Variants in AGBL3 observed in about 807,000 individuals in gnomAD.
AGBL3 encodes the protein cytosolic carboxypeptidase 3.
A neutral mutation model predicts 94.5 loss-of-function variants in AGBL3; 68 were observed. That is an observed-to-expected ratio of 0.72 (90% CI 0.59 to 0.88). The LOEUF is 0.88. Among genes scored for constraint, AGBL3 ranks in the 40% least tolerant of loss-of-function variants. The pLI, the probability that AGBL3 is intolerant of heterozygous loss-of-function variation, is 0.00. For missense variants in AGBL3, 934 were observed against 1,103.8 expected (o/e 0.85, Z 2.18); for synonymous variants, 354 against 370.7 (o/e 0.95, Z 0.52).
intron 7 of AGBL3, among the ~76,000 whole-genome samples, chr7:135,035,695 T>A (rs1362050489): frequency 6.6e-6 from 1 of 152,178 alleles, no homozygotes; most frequent in East Asian, 1.9e-4. Flanking sequence ...TAATCTAAGA[T>A]GAGAGACCCT....
intron 4 of AGBL3, among the ~76,000 whole-genome samples, chr7:135,001,519 T>C (rs1811714220): frequency 6.6e-6 from 1 of 152,310 alleles, no homozygotes; most frequent in South Asian, 2.1e-4. Flanking sequence ...TAGAACAGAT[T>C]TGTTTAAAGC....
chr7:135,115,156 A>C (rs1826147930), intron 15 of AGBL3, among the ~76,000 whole-genome samples: 1 of 152,142 alleles, frequency 6.6e-6, no homozygotes, highest in African/African-American at 2.4e-5. Flanking sequence ...TCAACCCCTC[A>C]AGAATTCTCT....
At chr7:135,096,783 G>GAAAGAAAGAAAGAAAGAAAGAAAT (rs1473386036) in intron 15 of AGBL3, among the ~76,000 whole-genome samples, 2 of 148,748 alleles carry the variant, frequency 1.3e-5, no homozygotes, top group African/African-American at 5.0e-5. Context: ...AAGAAAGAAA[G>GAAAGAAAGAAAGAAAGAAAGAAAT]AAAGAAAGAA....
intron 16 of AGBL3, among the ~76,000 whole-genome samples, chr7:135,121,015 C>A (rs1024261367): frequency 6.6e-6 from 1 of 152,054 alleles, no homozygotes; most frequent in East Asian, 1.9e-4. Context: ...ACCAGCCTGA[C>A]CAACACAGAG....
chr7:135,016,059 A>C (rs1457467956), intron 4 of AGBL3, among the ~76,000 whole-genome samples: 1 of 149,544 alleles, frequency 6.7e-6, no homozygotes, highest in Non-Finnish European at 1.5e-5. Flanking sequence ...AAGAAAAGAA[A>C]AAAAAAATCA....
intron 15 of AGBL3, among the ~76,000 whole-genome samples, chr7:135,100,522 C>G (rs115922255): frequency 4.6e-5 from 7 of 152,044 alleles, no homozygotes; most frequent in African/African-American, 1.7e-4. Context: ...ACAGAGAGAC[C>G]ATGGTATATC....
At chr7:135,046,027 G>C in intron 11 of AGBL3, 116 bp downstream of exon 11, 1 of 734,298 alleles carries the variant, frequency 1.4e-6, no homozygotes. Flanking sequence ...GTAAGTGGTG[G>C]AAAATTTCTC....
At chr7:135,026,253 T>TTTTATTTTATTTTATTTTATTTTATTTTA (rs1563195753) in intron 5 of AGBL3, among the ~76,000 whole-genome samples, 8 of 138,690 alleles carry the variant, frequency 5.8e-5, no homozygotes, top group African/African-American at 1.9e-4. Flanking sequence ...CATTATTTTA[T>TTTTATTTTATTTTATTTTATTTTATTTTA]TTTATTTTAT....
chr7:135,001,915 G>A (rs563624433), intron 4 of AGBL3, among the ~76,000 whole-genome samples: 14 of 152,298 alleles, frequency 9.2e-5, no homozygotes, highest in African/African-American at 3.4e-4. Context: ...CTCTTTGGGA[G>A]TTAGATTTAT....
rs1817305981 is a variant in AGBL3, at chr7:135,045,840, T to C, written c.1770T>C (p.His590=). 3 of 1,550,890 alleles carry C rather than the reference T, an allele frequency of 1.9e-6. No individual in the cohort carries two copies. In the Admixed American group the frequency reaches 5.9e-5, roughly 30 times the overall value. The change falls in exon 11 of 17, where the codon CAT becomes CAC. Residue 590 remains histidine (H), a synonymous_variant. Coordinates refer to ENST00000436302, the MANE Select transcript of AGBL3 (RefSeq NM_178563.4). ...AAGAATTAGAAGAAATGGAAAGACATATAACCCTGGAAAAAGTCTTTGAGG... is the reference window on the plus strand; with the variant it reads ...AAGAATTAGAAGAAATGGAAAGACACATAACCCTGGAAAAAGTCTTTGAGG... ...CLKELEEMER[H]ITLEKVFEDS...
chr7:134,995,290 G>T, intron 4 of AGBL3: 1 of 152,384 alleles, frequency 6.6e-6, no homozygotes, highest in Non-Finnish European at 1.5e-5. Context: ...CTGCTTCTCA[G>T]TGTCACTTCC....
intron 11 of AGBL3, among the ~76,000 whole-genome samples, chr7:135,055,523 A>ATT (rs146216484): frequency 2.0e-5 from 3 of 151,710 alleles, no homozygotes; most frequent in African/African-American, 2.4e-5. Flanking sequence ...TATTGATATA[A>ATT]TTTTTTTTCT....
chr7:135,080,538 C>T (rs1297628491), intron 14 of AGBL3, among the ~76,000 whole-genome samples: 1 of 152,144 alleles, frequency 6.6e-6, no homozygotes, highest in Non-Finnish European at 1.5e-5. Flanking sequence ...GAGAGGTCCA[C>T]GTATTTCAGG....
rs541148056 is a variant in AGBL3, at chr7:135,022,294, C to T, written c.418+5135C>T. Among the ~76,000 whole-genome samples the T allele has an allele frequency of 1.9e-3, 293 of 152,182 alleles. 2 individuals are homozygous for T. The highest frequency in any genetic ancestry group is 3.4e-3 in the Middle Eastern group (1 of 294). ...TTTACATTCCCACCAACAATGTAAA[C>T]GTGTTTCTATTCTCCGCAGCCTCAC... is the stretch of plus-strand genomic sequence containing the variant. On this transcript the variant is annotated intron_variant, in intron 5 of 16. Coordinates refer to ENST00000436302, the MANE Select transcript of AGBL3 (RefSeq NM_178563.4).
intron 5 of AGBL3, among the ~76,000 whole-genome samples, chr7:135,020,151 G>A (rs1489235542): frequency 1.3e-5 from 2 of 152,098 alleles, no homozygotes; most frequent in Non-Finnish European, 2.9e-5. Context: ...GAAAATTTTT[G>A]CAATCTACTC....
chr7:135,069,441 C>T (rs1015576920), intron 12 of AGBL3, among the ~76,000 whole-genome samples: 3 of 152,128 alleles, frequency 2.0e-5, no homozygotes, highest in African/African-American at 7.2e-5. Context: ...AGCACCACAC[C>T]ACACCTATTC....
chr7:135,098,953 A>T (rs990996181), intron 15 of AGBL3, among the ~76,000 whole-genome samples: 17 of 152,134 alleles, frequency 1.1e-4, no homozygotes, highest in African/African-American at 4.1e-4. Context: ...GAAACATTAT[A>T]AAAAAATTAC....
chr7:134,989,253 G>A lies in AGBL3; in HGVS notation c.67G>A (p.Glu23Lys). The A allele has an allele frequency of 6.5e-7, 1 of 1,539,872 alleles. No homozygotes were observed. The highest frequency in any genetic ancestry group is 8.8e-7 in the Non-Finnish European group (1 of 1,141,168). Residue 23 changes from glutamate to lysine, a missense_variant, in exon 3 of 17, where the codon GAG becomes AAG. Coordinates refer to ENST00000436302, the MANE Select transcript of AGBL3 (RefSeq NM_178563.4). ...TATTTTTAAATTCTTATTTTAGGAT[G>A]AGGATATGTTCATGAAATTTGTAAG... The part of the protein sequence containing the change: ...RTISDEDESD[E>K]DMFMKFVSED...
intron 12 of AGBL3, among the ~76,000 whole-genome samples, chr7:135,067,858 C>T (rs1029969350): frequency 5.9e-5 from 9 of 152,326 alleles, no homozygotes; most frequent in Non-Finnish European, 1.3e-4. Flanking sequence ...GAACGCAGCT[C>T]CTCACCAGCA....
Sources: gnomAD v4.1 joint callset for allele counts (sites outside exome capture counted in the v4.1 genomes callset) on GRCh38, gnomAD v4.1.1 for gene constraint, MANE v1.5 for transcripts, NCBI Gene and HGNC (gene_info 2026-07-23, HGNC 2026-07-21) for gene names.